The following PPP4R4 variants were observed in gnomAD, a reference collection of about 807,000 sequenced individuals.
The protein encoded by PPP4R4 is serine/threonine-protein phosphatase 4 regulatory subunit 4.
Under a neutral mutation model 121.8 loss-of-function variants are expected in PPP4R4, and 70 were observed. The ratio of observed to expected loss-of-function variants is 0.57; its 90% CI spans 0.47 to 0.70. The LOEUF (loss-of-function observed/expected upper bound fraction) is 0.70, where lower values mean the gene tolerates loss of function less well. PPP4R4 is among the 30% of genes least tolerant of loss of function. The pLI, the probability that PPP4R4 is intolerant of heterozygous loss-of-function variation, is 0.00. For synonymous variants in PPP4R4, 348 were observed against 355.7 expected, an observed-to-expected ratio of 0.98 and a Z score of 0.24; for missense variants, 875 against 1,033.6, an observed-to-expected ratio of 0.85 and a Z score of 2.10.
intron 23 of PPP4R4, among the ~76,000 whole-genome samples, chr14:94,274,113 T>C (rs980027857): frequency 1.2e-4 from 18 of 152,224 alleles, no homozygotes; most frequent in African/African-American, 4.3e-4. Flanking sequence ...TGACTTTCCG[T>C]TCCTGTGAAT....
intron 2 of PPP4R4, among the ~76,000 whole-genome samples, chr14:94,180,868 A>G (rs952796897): frequency 2.6e-5 from 4 of 151,902 alleles, no homozygotes; most frequent in Admixed American, 2.6e-4. Flanking sequence ...TGCTCCCCCT[A>G]GTGATATGAA....
At chr14:94,226,096 G>A (rs1891681890) in intron 3 of PPP4R4, among the ~76,000 whole-genome samples, 1 of 152,110 alleles carries the variant, frequency 6.6e-6, no homozygotes, top group African/African-American at 2.4e-5. Flanking sequence ...TACATTTTAA[G>A]CCTAAATTAT....
chr14:94,256,384 A>G, intron 16 of PPP4R4, 76 bp from the exon 17 acceptor site: 1 of 1,265,382 alleles, frequency 7.9e-7, no homozygotes, highest in African/African-American at 1.5e-5. Context: ...GGCTATCTAA[A>G]ACTTGATTTT....
chr14:94,275,358 T>G lies in PPP4R4; in HGVS notation c.2450-16T>G, dbSNP rs868230188. 6.2e-7 allele frequency: 1 copy of G among 1,613,244 alleles called. No homozygotes were observed. ...AGTATATTTGGTATGTCTGACTTTATATGTATTGCTTTCAGATGATTCATT... is the reference window on the plus strand; with the variant it reads ...AGTATATTTGGTATGTCTGACTTTAGATGTATTGCTTTCAGATGATTCATT... On this transcript the variant is annotated splice_polypyrimidine_tract_variant and intron_variant, in intron 23 of 24. Coordinates refer to ENST00000304338, the MANE Select transcript of PPP4R4 (RefSeq NM_058237.2).
At chr14:94,227,203 C>A in intron 3 of PPP4R4, 1 of 1,104,224 alleles carries the variant, frequency 9.1e-7, no homozygotes, top group East Asian at 2.5e-5. Context: ...GCCAGCCGTA[C>A]AATAGTAATG....
intron 2 of PPP4R4, among the ~76,000 whole-genome samples, chr14:94,179,884 T>C (rs943022271): frequency 6.6e-6 from 1 of 152,226 alleles, no homozygotes; most frequent in Non-Finnish European, 1.5e-5. Context: ...CGCTGTGATA[T>C]AAATATATGC....
At chr14:94,221,020 A>G (rs964617927) in intron 3 of PPP4R4, among the ~76,000 whole-genome samples, 1 of 152,170 alleles carries the variant, frequency 6.6e-6, no homozygotes, top group African/African-American at 2.4e-5. Flanking sequence ...TTAATACTGT[A>G]TGATTGGTGT....
chr14:94,269,447 G>A (rs1352858540), intron 23 of PPP4R4, among the ~76,000 whole-genome samples: 2 of 152,038 alleles, frequency 1.3e-5, no homozygotes, highest in East Asian at 3.9e-4. Flanking sequence ...AGGCTGAGGT[G>A]GGCAGATCAT....
intron 19 of PPP4R4, 146 bp from the exon 20 acceptor site, chr14:94,264,732 T>A (rs933713032): frequency 4.3e-4 from 278 of 648,382 alleles, no homozygotes; most frequent in Non-Finnish European, 5.0e-4. Context: ...GAACCCTGAA[T>A]TCTTTAGACA....
intron 2 of PPP4R4, among the ~76,000 whole-genome samples, chr14:94,185,054 C>A (rs1595448721): frequency 6.6e-6 from 1 of 152,002 alleles, no homozygotes; most frequent in East Asian, 1.9e-4. Flanking sequence ...AGAGGTTATC[C>A]CCAATTAACA....
chr14:94,236,548 GT>G (rs1229139545), intron 7 of PPP4R4, among the ~76,000 whole-genome samples: 9 of 152,044 alleles, frequency 5.9e-5, no homozygotes, highest in Admixed American at 1.3e-4. Context: ...AGAAAAACAT[GT>G]TTTTTTGTGG....
rs1486075952 is a variant in PPP4R4 at position 94,237,690 on chromosome 14, A to G, written c.853+4A>G. The G allele has an allele frequency of 1.2e-6, 2 of 1,611,388 alleles. No homozygotes were observed. The highest frequency in any genetic ancestry group is 1.3e-5 in the African/African-American group (1 of 74,848). On this transcript the variant is annotated splice_donor_region_variant and intron_variant, in intron 8 of 24. Transcript: ENST00000304338. ...CTGCTTGATATATTTGATACAGGTA[A>G]ATCATGTGGCTACATCTTTGCTTCT...
intron 13 of PPP4R4, 30 bp from the exon 14 acceptor site, chr14:94,246,327 A>T: frequency 1.3e-6 from 2 of 1,570,650 alleles, no homozygotes; most frequent in Non-Finnish European, 1.7e-6. Context: ...ATTTATTTAT[A>T]ATTGATTTTT....
chr14:94,197,575 G>A (rs1480734461), intron 2 of PPP4R4, among the ~76,000 whole-genome samples: 1 of 152,018 alleles, frequency 6.6e-6, no homozygotes, highest in Admixed American at 6.6e-5. Flanking sequence ...AGGTATTGAT[G>A]TACAGTAAAC....
At position 94,246,831 on chromosome 14, in the gene PPP4R4, A is replaced by C. The variant is rs546448907; in HGVS notation, c.1611+292A>C. Among the ~76,000 whole-genome samples the C allele has an allele frequency of 2.6e-5, 4 of 152,266 alleles. No individual in the cohort carries two copies. In the South Asian group the frequency reaches 8.3e-4, roughly 32 times the overall value. Reference sequence around the variant, plus strand: ...CAGAGTAGACTCACTTCAAACTTGAAATAGTTCTTCTTAAGAGGAAGGTTG... The same window carrying C: ...CAGAGTAGACTCACTTCAAACTTGACATAGTTCTTCTTAAGAGGAAGGTTG... On this transcript the variant is annotated intron_variant, in intron 14 of 24. Coordinates refer to ENST00000304338, the MANE Select transcript of PPP4R4 (RefSeq NM_058237.2).
chr14:94,260,213 C>T (rs1893706385), intron 19 of PPP4R4, among the ~76,000 whole-genome samples: 1 of 152,126 alleles, frequency 6.6e-6, no homozygotes. Flanking sequence ...ATCACGAGGT[C>T]AGGAGATCAA....
chr14:94,227,200 G>A (rs1014876179), intron 3 of PPP4R4: 29 of 1,068,550 alleles, frequency 2.7e-5, no homozygotes, highest in Non-Finnish European at 3.6e-5. Context: ...GATGCCAGCC[G>A]TACAATAGTA....
At chr14:94,254,969 A>G (rs1215009967) in intron 16 of PPP4R4, among the ~76,000 whole-genome samples, 2 of 152,082 alleles carry the variant, frequency 1.3e-5, no homozygotes, top group African/African-American at 2.4e-5. Context: ...CTCTAACTGT[A>G]CACATTACTT....
intron 3 of PPP4R4, among the ~76,000 whole-genome samples, chr14:94,210,334 T>C (rs1403029762): frequency 6.6e-6 from 1 of 151,780 alleles, no homozygotes; most frequent in Non-Finnish European, 1.5e-5. Context: ...AAGAATATTA[T>C]ACACTCATAT....
Sources: gnomAD v4.1 joint callset for allele counts (sites outside exome capture counted in the v4.1 genomes callset) on GRCh38, gnomAD v4.1.1 for gene constraint, MANE v1.5 for transcripts, NCBI Gene and HGNC (gene_info 2026-07-23, HGNC 2026-07-21) for gene names.